Variants in ANXA4 observed in about 807,000 individuals in gnomAD.
ANXA4 encodes the protein annexin A4.
In ANXA4, 39 loss-of-function variants were observed where a neutral mutation model predicts 49.8. The observed-to-expected ratio is 0.78, with a 90% CI of 0.61 to 1.02. The LOEUF (loss-of-function observed/expected upper bound fraction) is 1.02, where lower values mean the gene tolerates loss of function less well. Among genes scored for constraint, ANXA4 ranks in the 50% least tolerant of loss-of-function variants. ANXA4 has a pLI of 0.00. For synonymous variants in ANXA4, 134 were observed against 152.5 expected (o/e 0.88, Z 0.89); for missense variants, 360 against 410.1 (o/e 0.88, Z 1.05).
At chr2:69,715,650 C>T (rs1559104603) in intron 2 of ANXA4, among the ~76,000 whole-genome samples, 1 of 152,192 alleles carries the variant, frequency 6.6e-6, no homozygotes, top group African/African-American at 2.4e-5. Context: ...TGCAGAGGCA[C>T]GAAGAGGCTT....
upstream of ANXA4, among the ~76,000 whole-genome samples, chr2:69,644,164 T>TCCCCCCCCCCC (rs1559030592): frequency 6.1e-5 from 1 of 16,458 alleles, no homozygotes; most frequent in Admixed American, 8.2e-4. Context: ...AACAACTAAG[T>TCCCCCCCCCCC]TCCCCCCCCC....
At chr2:69,664,585 A>G (rs1204747884) in intron 2 of ANXA4, among the ~76,000 whole-genome samples, 1 of 152,226 alleles carries the variant, frequency 6.6e-6, no homozygotes, top group Non-Finnish European at 1.5e-5. Context: ...AGGTGTCAGT[A>G]AGTATTACTA....
At chr2:69,656,305 G>GTA (rs1342034403) in intron 2 of ANXA4, among the ~76,000 whole-genome samples, 2 of 108,864 alleles carry the variant, frequency 1.8e-5, no homozygotes, top group South Asian at 3.4e-4. Flanking sequence ...GTATATATAT[G>GTA]TATATATGTA....
chr2:69,723,845 C>T (rs759376067), intron 3 of ANXA4, among the ~76,000 whole-genome samples: 1 of 152,214 alleles, frequency 6.6e-6, no homozygotes. Flanking sequence ...CCACCCACTG[C>T]ACCCAGCCTG....
chr2:69,676,523 A>C (rs757376966), intron 2 of ANXA4, among the ~76,000 whole-genome samples: 1 of 152,208 alleles, frequency 6.6e-6, no homozygotes, highest in Non-Finnish European at 1.5e-5. Context: ...TATTGTCTTC[A>C]ATTTTTTAAA....
At chr2:69,687,301 C>T (rs902074003) in intron 2 of ANXA4, among the ~76,000 whole-genome samples, 3 of 151,950 alleles carry the variant, frequency 2.0e-5, no homozygotes, top group Non-Finnish European at 2.9e-5. Flanking sequence ...CTCAGGAGTT[C>T]GAGACCAGCC....
At chr2:69,676,313 CTT>C (rs1480203478) in intron 2 of ANXA4, among the ~76,000 whole-genome samples, 1 of 151,976 alleles carries the variant, frequency 6.6e-6, no homozygotes, top group Non-Finnish European at 1.5e-5. Flanking sequence ...GAAATGAAGT[CTT>C]TGAAATTCTG....
intron 2 of ANXA4, chr2:69,713,672 T>G (rs1405754557): frequency 2.0e-5 from 3 of 152,284 alleles, no homozygotes; most frequent in Non-Finnish European, 4.4e-5. Flanking sequence ...CTCCCCGCTC[T>G]TCACAGACTC....
chr2:69,705,263 T>A (rs977219452), intron 2 of ANXA4, among the ~76,000 whole-genome samples: 4 of 151,784 alleles, frequency 2.6e-5, no homozygotes, highest in African/African-American at 9.7e-5. Flanking sequence ...GCCTCTGCAC[T>A]CCAGCCTGGG....
At chr2:69,708,015 T>C (rs1317445872) in intron 2 of ANXA4, among the ~76,000 whole-genome samples, 1 of 152,228 alleles carries the variant, frequency 6.6e-6, no homozygotes, top group Non-Finnish European at 1.5e-5. Context: ...TCTCCTGCCA[T>C]TTCCTGTTTT....
intron 4 of ANXA4, among the ~76,000 whole-genome samples, chr2:69,805,101 A>G (rs981102456): frequency 8.0e-5 from 12 of 149,756 alleles, no homozygotes; most frequent in African/African-American, 3.0e-4. Context: ...TTCTTCGTCA[A>G]TTGATCTTAA....
chr2:69,687,262 G>T (rs1677822336), intron 2 of ANXA4, among the ~76,000 whole-genome samples: 1 of 152,214 alleles, frequency 6.6e-6, no homozygotes, highest in South Asian at 2.1e-4. Flanking sequence ...CCAGCACTTT[G>T]GGAGGCCAAC....
At chr2:69,737,396 G>C (rs970145492), upstream of ANXA4, among the ~76,000 whole-genome samples, 21 of 152,020 alleles carry the variant, frequency 1.4e-4, no homozygotes, top group African/African-American at 4.8e-4. Flanking sequence ...TTCTTCCCCT[G>C]TTTCCCAGAT....
intron 2 of ANXA4, among the ~76,000 whole-genome samples, chr2:69,708,936 A>G (rs1159246665): frequency 1.3e-5 from 2 of 151,850 alleles, no homozygotes; most frequent in Non-Finnish European, 2.9e-5. Context: ...CCTCTACTAT[A>G]TCTTCTGAAT....
intron 2 of ANXA4, among the ~76,000 whole-genome samples, chr2:69,677,273 C>T: frequency 6.6e-6 from 1 of 152,064 alleles, no homozygotes; most frequent in Non-Finnish European, 1.5e-5. Context: ...CTCTGTTGCC[C>T]AGACTGGAGT....
intron 3 of ANXA4, among the ~76,000 whole-genome samples, chr2:69,723,213 G>A: frequency 6.8e-6 from 1 of 147,772 alleles, no homozygotes. Context: ...GTATAATGAA[G>A]GAAATAATAA....
chr2:69,738,407 G>A (rs997158931), upstream of ANXA4, among the ~76,000 whole-genome samples: 2 of 152,240 alleles, frequency 1.3e-5, no homozygotes, highest in Admixed American at 6.5e-5. Flanking sequence ...CAGCTCAGTA[G>A]GCATCATCTT....
intron 3 of ANXA4, among the ~76,000 whole-genome samples, chr2:69,734,807 C>A (rs999612418): frequency 3.3e-5 from 5 of 152,142 alleles, no homozygotes; most frequent in African/African-American, 1.2e-4. Context: ...ATAGGAGGGG[C>A]CCTCTAGTAG....
rs140030515 is a variant in ANXA4 at position 69,801,498 on chromosome 2, G to A, written c.98-3035G>A. Among the ~76,000 whole-genome samples the A allele has an allele frequency of 5.3e-3, 799 of 151,544 alleles. 6 individuals carry two copies. The highest frequency in any genetic ancestry group is 0.017 in the African/African-American group (691 of 41,250). On this transcript the variant is annotated intron_variant, in intron 3 of 12. Coordinates refer to ENST00000394295, the MANE Select transcript of ANXA4 (RefSeq NM_001153.5). ...TGGCTCACTGCAACCTCCACCTCCC[G>A]GGTTCAAGTGATTCTCATGCCTCAG...
Sources: gnomAD v4.1 joint callset for allele counts (sites outside exome capture counted in the v4.1 genomes callset) on GRCh38, gnomAD v4.1.1 for gene constraint, MANE v1.5 for transcripts, NCBI Gene and HGNC (gene_info 2026-07-23, HGNC 2026-07-21) for gene names.